The following DIP2C variants were observed in gnomAD, a reference collection of about 807,000 sequenced individuals.
The protein encoded by DIP2C is DIP2 acetate--CoA ligase C (putative).
In DIP2C, 33 loss-of-function variants were observed where a neutral mutation model predicts 192.4. That is an observed-to-expected ratio of 0.17 (90% confidence interval 0.13 to 0.23). The LOEUF is 0.23. DIP2C is among the 10% of genes least tolerant of loss of function. DIP2C has a pLI of 1.00. For synonymous variants in DIP2C, 979 were observed against 864.1 expected (o/e 1.13, Z -2.33); for missense variants, 1,537 against 2,110.1 (o/e 0.73, Z 5.32).
intron 6 of DIP2C, among the ~76,000 whole-genome samples, chr10:418,358 C>CT (rs1589750338): frequency 6.6e-6 from 1 of 152,068 alleles, no homozygotes; most frequent in African/African-American, 2.4e-5. Flanking sequence ...CCTCCCTGTC[C>CT]GCCTGTGAGT....
intron 1 of DIP2C, among the ~76,000 whole-genome samples, chr10:596,092 G>T (rs754999330): frequency 6.6e-6 from 1 of 152,104 alleles, no homozygotes; most frequent in Non-Finnish European, 1.5e-5. Context: ...CCTTCCCCAC[G>T]GCTAAAGGAC....
At chr10:674,009 T>C (rs954074216) in intron 1 of DIP2C, among the ~76,000 whole-genome samples, 2 of 152,222 alleles carry the variant, frequency 1.3e-5, no homozygotes, top group Non-Finnish European at 2.9e-5. Flanking sequence ...ATCAAAATAA[T>C]AATCCATCAC....
At chr10:619,852 G>A (rs961233501) in intron 1 of DIP2C, among the ~76,000 whole-genome samples, 3 of 152,180 alleles carry the variant, frequency 2.0e-5, no homozygotes, top group Admixed American at 1.3e-4. Flanking sequence ...GCACCCGCCC[G>A]TGGATGGGTT....
chr10:668,392 C>T (rs1564326550), intron 1 of DIP2C: 1 of 152,168 alleles, frequency 6.6e-6, no homozygotes, highest in African/African-American at 2.4e-5. Context: ...AACTCACAAA[C>T]ACGTACAGCA....
chr10:562,657 AT>A (rs1340339768), intron 1 of DIP2C, among the ~76,000 whole-genome samples: 1 of 152,242 alleles, frequency 6.6e-6, no homozygotes, highest in Non-Finnish European at 1.5e-5. Flanking sequence ...ATTGCTAAAC[AT>A]TTATAACAGG....
At chr10:643,447 G>A (rs1855304256) in intron 1 of DIP2C, among the ~76,000 whole-genome samples, 1 of 151,986 alleles carries the variant, frequency 6.6e-6, no homozygotes, top group African/African-American at 2.4e-5. Flanking sequence ...CCGGGAGGCG[G>A]AGCCTGCAGT....
At chr10:681,347 C>A (rs1267097955) in intron 1 of DIP2C, among the ~76,000 whole-genome samples, 1 of 151,652 alleles carries the variant, frequency 6.6e-6, no homozygotes, top group Non-Finnish European at 1.5e-5. Context: ...CACAGAAATT[C>A]CAGGGAATGC....
intron 1 of DIP2C, among the ~76,000 whole-genome samples, chr10:574,420 G>C (rs886470459): frequency 2.0e-5 from 3 of 152,222 alleles, no homozygotes; most frequent in African/African-American, 7.2e-5. Context: ...ATTTCAACAT[G>C]CTAACGATGA....
In DIP2C at chr10:561,890, G is replaced by A. The variant is rs377423221; in HGVS notation, c.86-75360C>T. On this transcript the variant is annotated intron_variant, in intron 1 of 36. Coordinates refer to ENST00000280886, the MANE Select transcript of DIP2C (RefSeq NM_014974.3). Reference sequence around the variant, plus strand: ...GGAGGTCAGCCAAGGCCATCTGCACGAGTCACGCGTGACAGCTCTAGCCCC... The same window carrying A: ...GGAGGTCAGCCAAGGCCATCTGCACAAGTCACGCGTGACAGCTCTAGCCCC... 4.4e-4 allele frequency among the ~76,000 whole-genome samples: 67 copies of A among 152,292 alleles called. No individual in the cohort carries two copies. The South Asian group carries it at 0.01, about 23-fold the overall frequency.
At chr10:598,488 G>A (rs1411044679) in intron 1 of DIP2C, among the ~76,000 whole-genome samples, 5 of 152,158 alleles carry the variant, frequency 3.3e-5, no homozygotes, top group Non-Finnish European at 5.9e-5. Context: ...GTCTCAGTCC[G>A]AGGCCTCGCG....
At chr10:304,141 T>TA (rs1956195208) in intron 32 of DIP2C, among the ~76,000 whole-genome samples, 2 of 152,232 alleles carry the variant, frequency 1.3e-5, no homozygotes, top group Admixed American at 1.3e-4. Context: ...AGGTGTCTAT[T>TA]ATCACAGTCC....
intron 28 of DIP2C, among the ~76,000 whole-genome samples, chr10:343,353 A>G (rs1193849739): frequency 6.6e-6 from 1 of 152,206 alleles, no homozygotes; most frequent in Non-Finnish European, 1.5e-5. Context: ...CTGTAAAGGG[A>G]CCAGCACAGA....
intron 1 of DIP2C, among the ~76,000 whole-genome samples, chr10:520,989 G>A (rs1846670261): frequency 6.6e-6 from 1 of 152,130 alleles, no homozygotes; most frequent in African/African-American, 2.4e-5. Flanking sequence ...TAAGCCCTCT[G>A]ACATCTATTA....
chr10:474,145 A>G (rs1164646375), intron 2 of DIP2C, among the ~76,000 whole-genome samples: 1 of 152,218 alleles, frequency 6.6e-6, no homozygotes. Context: ...GAAATCAAAG[A>G]GTATTATCAA....
intron 1 of DIP2C, among the ~76,000 whole-genome samples, chr10:673,802 A>C (rs940423386): frequency 6.6e-6 from 1 of 152,230 alleles, no homozygotes; most frequent in Non-Finnish European, 1.5e-5. Flanking sequence ...AAACAAGGAA[A>C]TGCAAGGCCG....
At chr10:408,025 T>C (rs1964929957) in intron 9 of DIP2C, among the ~76,000 whole-genome samples, 1 of 152,216 alleles carries the variant, frequency 6.6e-6, no homozygotes, top group Admixed American at 6.5e-5. Context: ...GTCTTCTCTA[T>C]ATTTTCTTCT....
chr10:351,412 G>A (rs779740773), intron 24 of DIP2C, among the ~76,000 whole-genome samples: 1 of 152,188 alleles, frequency 6.6e-6, no homozygotes, highest in Non-Finnish European at 1.5e-5. Flanking sequence ...TACTCTCCCT[G>A]AGGACCTCTG....
intron 29 of DIP2C, among the ~76,000 whole-genome samples, chr10:333,502 G>C (rs1485155779): frequency 6.6e-6 from 1 of 152,210 alleles, no homozygotes; most frequent in Admixed American, 6.5e-5. Flanking sequence ...CTGTGCAGAA[G>C]CACCCACCAT....
At chr10:439,741 T>C (rs1564714360) in intron 4 of DIP2C, among the ~76,000 whole-genome samples, 1 of 141,578 alleles carries the variant, frequency 7.1e-6, no homozygotes, top group Non-Finnish European at 1.5e-5. Context: ...CTACTTGGAA[T>C]AATGTGGGCA....
Sources: gnomAD v4.1 joint callset for allele counts (sites outside exome capture counted in the v4.1 genomes callset) on GRCh38, gnomAD v4.1.1 for gene constraint, MANE v1.5 for transcripts, NCBI Gene and HGNC (gene_info 2026-07-23, HGNC 2026-07-21) for gene names.